PTPN9: variants seen among roughly 807,000 people sequenced by gnomAD.
PTPN9 encodes tyrosine-protein phosphatase non-receptor type 9.
Under a neutral mutation model 69.8 loss-of-function variants are expected in PTPN9, and 26 were observed. The observed-to-expected ratio is 0.37, with a 90% CI of 0.27 to 0.52. The LOEUF (loss-of-function observed/expected upper bound fraction) is 0.52. PTPN9 is among the 20% of genes least tolerant of loss of function. The probability of loss-of-function intolerance (pLI) is 0.91; values close to 1 mark genes in which losing one functional copy is unlikely to be tolerated. For missense variants in PTPN9, 549 were observed against 740.3 expected (o/e 0.74, Z 3.00); for synonymous variants, 274 against 272.5 (o/e 1.01, Z -0.05).
intron 1 of PTPN9, among the ~76,000 whole-genome samples, chr15:75,565,922 C>T (rs558066761): frequency 7.9e-5 from 12 of 152,248 alleles, no homozygotes; most frequent in East Asian, 7.7e-4. Context: ...ATTACTCATG[C>T]ATGGTAACTG....
At position 75,517,395 on chromosome 15, in the gene PTPN9, G is replaced by T. The variant is rs533555007; in HGVS notation, c.423-31C>A. The T allele has an allele frequency of 2.0e-5, 32 of 1,571,544 alleles. No individual in the cohort carries two copies. The East Asian group carries it at 6.3e-4, about 31-fold the overall frequency. On this transcript the variant is annotated intron_variant, in intron 4 of 12. Transcript: ENST00000618819. Reference sequence around the variant, plus strand: ...AATCAACCATTGAACAAAAACATTTGTAAGTAAGCAGATGGATGAGGCAGG... The same window carrying T: ...AATCAACCATTGAACAAAAACATTTTTAAGTAAGCAGATGGATGAGGCAGG...
intron 1 of PTPN9, among the ~76,000 whole-genome samples, chr15:75,572,428 G>T (rs1431750130): frequency 6.6e-6 from 1 of 151,880 alleles, no homozygotes; most frequent in Non-Finnish European, 1.5e-5. Flanking sequence ...AGGCTTTTAC[G>T]GCCAGGCATG....
chr15:75,468,025 A>G lies in PTPN9; in HGVS notation c.*744T>C, dbSNP rs1053894376. 6.6e-6 allele frequency: 1 copy of G among 152,434 alleles called. No individual in the cohort carries two copies. The highest frequency in any genetic ancestry group is 1.9e-4 in the East Asian group (1 of 5,172). 9.4% of individuals were successfully genotyped at this position (152,434 alleles called of 1,614,324 possible). On this transcript the variant is annotated 3_prime_UTR_variant, in exon 13 of 13. Coordinates refer to ENST00000618819, the MANE Select transcript of PTPN9 (RefSeq NM_002833.4). Reference sequence around the variant, plus strand: ...AGATGTGTGTGTGTCCTCTTCCACCACTCTGTAGCCTGACAAGAGGAGACA... The same window carrying G: ...AGATGTGTGTGTGTCCTCTTCCACCGCTCTGTAGCCTGACAAGAGGAGACA...
intron 5 of PTPN9, among the ~76,000 whole-genome samples, chr15:75,514,390 G>A (rs370634342): frequency 2.6e-5 from 4 of 152,122 alleles, no homozygotes; most frequent in African/African-American, 9.7e-5. Flanking sequence ...ACCAGCCTAG[G>A]CACCATGGTG....
At chr15:75,483,575 G>A (rs780387662) in intron 8 of PTPN9, among the ~76,000 whole-genome samples, 1 of 152,218 alleles carries the variant, frequency 6.6e-6, no homozygotes, top group Non-Finnish European at 1.5e-5. Context: ...ACTGCCAAGG[G>A]TGTGAGGTTT....
chr15:75,563,090 T>G (rs1376498291), intron 1 of PTPN9, among the ~76,000 whole-genome samples: 1 of 152,190 alleles, frequency 6.6e-6, no homozygotes, highest in Non-Finnish European at 1.5e-5. Context: ...CCTCCCACTC[T>G]CCACACTCAA....
At chr15:75,477,610 A>T (rs1247652171) in intron 9 of PTPN9, among the ~76,000 whole-genome samples, 1 of 152,068 alleles carries the variant, frequency 6.6e-6, no homozygotes, top group Non-Finnish European at 1.5e-5. Context: ...TTAATTAATT[A>T]ATTAATTAAA....
intron 9 of PTPN9, among the ~76,000 whole-genome samples, chr15:75,475,873 G>A (rs985142013): frequency 7.2e-5 from 11 of 151,860 alleles, no homozygotes; most frequent in South Asian, 2.1e-4. Flanking sequence ...GTGCAGTGGC[G>A]CACGCCTGTA....
At chr15:75,524,437 T>C (rs2074918662) in intron 2 of PTPN9, 139 bp from the exon 3 acceptor site, 2 of 530,996 alleles carry the variant, frequency 3.8e-6, no homozygotes, top group Admixed American at 3.1e-5. Flanking sequence ...AAATAAATTT[T>C]GTAACTAATT....
In PTPN9 at chr15:75,471,733, G is replaced by A. The variant is rs143757353; in HGVS notation, c.1209-903C>T. ...AGTTCGAGACTAGCCTGGCCAACAC[G>A]GTGAAACCCCATCTCTACTAAAAAT... On this transcript the variant is annotated intron_variant, in intron 10 of 12. Coordinates refer to ENST00000618819, the MANE Select transcript of PTPN9 (RefSeq NM_002833.4). Among the ~76,000 whole-genome samples the A allele has an allele frequency of 3.6e-3, 524 of 147,140 alleles. 2 individuals carry two copies. The highest frequency in any genetic ancestry group is 5.8e-3 in the Non-Finnish European group (385 of 66,836).
At chr15:75,560,275 T>C (rs1431343135) in intron 1 of PTPN9, among the ~76,000 whole-genome samples, 1 of 152,220 alleles carries the variant, frequency 6.6e-6, no homozygotes, top group Non-Finnish European at 1.5e-5. Context: ...GAAATTAATC[T>C]AGAAAGGTTA....
In PTPN9 at chr15:75,556,036, CAAAAAA is replaced by C. The variant is rs75583219; in HGVS notation, c.63+22672_63+22677del. 5.3e-4 allele frequency among the ~76,000 whole-genome samples: 23 copies of C among 43,280 alleles called. No individual in the cohort carries two copies. In the East Asian group the frequency reaches 0.016, roughly 30 times the overall value. The allele number at this position is 43,280 out of a possible 152,430, so 28.4% of individuals were successfully genotyped here. ...GACAAACAAAGCGAGACCCCCGTCT[CAAAAAA>C]AAAAAAAAAAAAAAAAAGAGAGAGA... is the stretch of plus-strand genomic sequence containing the variant. On this transcript the variant is annotated intron_variant, in intron 1 of 12. Transcript: ENST00000618819.
chr15:75,504,469 G>A (rs1187548163), intron 7 of PTPN9, among the ~76,000 whole-genome samples: 24 of 137,268 alleles, frequency 1.7e-4, no homozygotes, highest in Admixed American at 6.2e-4. Context: ...CGCCCGGTCC[G>A]GGAGGGAGGT....
chr15:75,532,938 C>G (rs765128863), intron 1 of PTPN9, among the ~76,000 whole-genome samples: 1 of 152,194 alleles, frequency 6.6e-6, no homozygotes, highest in Non-Finnish European at 1.5e-5. Flanking sequence ...ACCAGAAAAA[C>G]AAGTCCCAGC....
Position 75,468,903 on chromosome 15 carries a change from T to A in PTPN9, c.1648A>T (p.Met550Leu). ...TLNVFQTVSR[M>L]RTQRAFSIQT... is the part of the protein sequence containing the mutation. Reference sequence around the variant, plus strand: ...ATGCTGAAGGCCCTCTGGGTCCTCATGCGTGACACCGTCTGGAACACATTA... The same window carrying A: ...ATGCTGAAGGCCCTCTGGGTCCTCAAGCGTGACACCGTCTGGAACACATTA... Residue 550 changes from methionine to leucine, a missense_variant, in exon 13 of 13, where the codon ATG becomes TTG. Physicochemically the swap from Met to Leu is conservative, Grantham distance 15. This residue lies in a region of PTPN9 where 457 missense variants were observed against 661.9 expected (regional missense o/e 0.69). Coordinates refer to ENST00000618819, the MANE Select transcript of PTPN9 (RefSeq NM_002833.4). The A allele has an allele frequency of 6.2e-7, 1 of 1,614,198 alleles. No individual in the cohort carries two copies. Among genetic ancestry groups the A allele is most frequent in the Non-Finnish European group, 8.5e-7 (1 of 1,180,032 alleles).
intron 7 of PTPN9, among the ~76,000 whole-genome samples, chr15:75,501,113 C>T (rs905367658): frequency 5.3e-5 from 8 of 152,008 alleles, no homozygotes; most frequent in Non-Finnish European, 7.3e-5. Flanking sequence ...CTCTTACTTT[C>T]CCTATCTCAT....
chr15:75,564,959 G>C (rs2075120382), intron 1 of PTPN9, among the ~76,000 whole-genome samples: 1 of 151,582 alleles, frequency 6.6e-6, no homozygotes, highest in Non-Finnish European at 1.5e-5. Flanking sequence ...AAAATTAGCT[G>C]GCGTGGTGGC....
chr15:75,536,676 T>G (rs558470068), intron 1 of PTPN9, among the ~76,000 whole-genome samples: 21 of 152,284 alleles, frequency 1.4e-4, no homozygotes, highest in Non-Finnish European at 2.6e-4. Context: ...TGAACCAGAC[T>G]GGGAAGGCCC....
intron 7 of PTPN9, among the ~76,000 whole-genome samples, chr15:75,494,236 G>A (rs2074727338): frequency 6.6e-6 from 1 of 151,408 alleles, no homozygotes; most frequent in Admixed American, 6.6e-5. Flanking sequence ...TTAAAACACA[G>A]TGTAATAAGA....
Sources: allele counts gnomAD v4.1 joint callset (sites outside exome capture counted in the v4.1 genomes callset), GRCh38; gene constraint gnomAD v4.1.1; regional missense constraint gnomAD v4.1.1; transcripts MANE v1.5; gene names NCBI Gene and HGNC (gene_info 2026-07-23, HGNC 2026-07-21).